KIRREL3: variants seen among roughly 807,000 people sequenced by gnomAD.
KIRREL3 encodes kirre like nephrin family adhesion molecule 3.
In KIRREL3, 36 loss-of-function variants were observed where a neutral mutation model predicts 89.7. That is an observed-to-expected ratio of 0.40 (90% CI 0.31 to 0.53). KIRREL3 has a LOEUF of 0.53. KIRREL3 is among the 20% of genes least tolerant of loss of function. KIRREL3 has a pLI of 0.49. For synonymous variants in KIRREL3, 445 were observed against 441.4 expected, an observed-to-expected ratio of 1.01 and a Z score of -0.10; for missense variants, 864 against 1,056.6, an observed-to-expected ratio of 0.82 and a Z score of 2.53.
At chr11:126,698,895 G>C (rs1947204675) in intron 1 of KIRREL3, among the ~76,000 whole-genome samples, 1 of 152,236 alleles carries the variant, frequency 6.6e-6, no homozygotes, top group Admixed American at 6.5e-5. Context: ...TCGTGCAGGA[G>C]GTACAGAGCT....
At chr11:126,592,921 G>A (rs1290163534) in intron 1 of KIRREL3, among the ~76,000 whole-genome samples, 1 of 152,120 alleles carries the variant, frequency 6.6e-6, no homozygotes, top group African/African-American at 2.4e-5. Flanking sequence ...GGCTGGGCGT[G>A]GCGTACCTTT....
Position 126,614,892 on chromosome 11 carries a change from G to A in KIRREL3, c.56-51980C>T, listed in dbSNP as rs1193765144. On this transcript the variant is annotated intron_variant, in intron 1 of 16. Transcript: ENST00000525144. This position sits in a 1 kb window ranked among gnomAD's most constrained non-coding sequence, Gnocchi z 4.6. Reference sequence around the variant, plus strand: ...TGAGAAGATGGATGAGCTGGGGCCGGTAAAATAGCTTTGTTCCTTGGAGAA... The same window carrying A: ...TGAGAAGATGGATGAGCTGGGGCCGATAAAATAGCTTTGTTCCTTGGAGAA... Among the ~76,000 whole-genome samples the A allele has an allele frequency of 1.3e-5, 2 of 152,156 alleles. No homozygotes were observed. Among genetic ancestry groups the A allele is most frequent in the Non-Finnish European group, 2.9e-5 (2 of 68,034 alleles).
rs185854599 is a variant in KIRREL3 at position 126,863,033 on chromosome 11, G to A, written c.55+137422C>T. 7.2e-5 allele frequency among the ~76,000 whole-genome samples: 11 copies of A among 152,332 alleles called. No homozygotes were observed. The East Asian group carries it at 1.5e-3, about 21-fold the overall frequency. ...AATTCAAGGCTTAGGGAGTGTGATG[G>A]TTAGGGACTGGCCCACCCTTTCCTG... On this transcript the variant is annotated intron_variant, in intron 1 of 16. Coordinates refer to ENST00000525144, the MANE Select transcript of KIRREL3 (RefSeq NM_032531.4).
intron 1 of KIRREL3, among the ~76,000 whole-genome samples, chr11:126,597,930 C>T (rs1942477172): frequency 6.6e-6 from 1 of 152,202 alleles, no homozygotes; most frequent in African/African-American, 2.4e-5. Context: ...TTAAGTCACC[C>T]ATAGCATCCT....
In KIRREL3 at chr11:126,562,888, C is replaced by G; in HGVS notation, c.80G>C (p.Cys27Ser). 1 of 1,613,836 alleles carries G rather than the reference C, an allele frequency of 6.2e-7. No homozygotes were observed. Reference protein sequence around the residue: ...SQELGLQKRGCCLVLGYMAKD... With the variant: ...SQELGLQKRGSCLVLGYMAKD... ...GGCCATGTAGCCCAGCACCAGACAG[C>G]ATCCTCTCTTCTGGAGGCCCAGCTC... is the stretch of plus-strand genomic sequence containing the variant. Residue 27 changes from cysteine to serine, a missense_variant, in exon 2 of 17, where the codon TGC (cysteine) becomes TCC (serine). Coordinates refer to ENST00000525144, the MANE Select transcript of KIRREL3 (RefSeq NM_032531.4). This position sits in a 1 kb window ranked among gnomAD's most constrained non-coding sequence, Gnocchi z 4.7.
rs1954800986 is a variant in KIRREL3, at chr11:126,423,435, T to G, written c.*1145A>C. 1 of 152,176 alleles carries G rather than the reference T, an allele frequency of 6.6e-6. No homozygotes were observed. The highest frequency in any genetic ancestry group is 6.5e-5 in the Admixed American group (1 of 15,276). 9.4% of individuals were successfully genotyped at this position (152,176 alleles called of 1,614,324 possible). A position where few individuals can be genotyped will look rare whatever the true frequency, so the allele number is the denominator to read the frequency against. ...AGAGAACCTTGGGTTCCCAACGCAT[T>G]CTATGAGCTCTTGGGTTCTTCCTGT... On this transcript the variant is annotated 3_prime_UTR_variant, in exon 17 of 17. Transcript: ENST00000525144.
intron 1 of KIRREL3, chr11:126,681,808 A>T: frequency 2.3e-6 from 1 of 438,032 alleles, no homozygotes; most frequent in Non-Finnish European, 4.6e-6. Flanking sequence ...AAAATATTGG[A>T]TCAGTATTCC....
In KIRREL3 at chr11:126,485,569, GTAAGAGT is replaced by G. The variant is rs1957338455; in HGVS notation, c.434-12110_434-12104del. 6.6e-6 allele frequency among the ~76,000 whole-genome samples: 1 copy of G among 152,218 alleles called. No individual in the cohort carries two copies. The highest frequency in any genetic ancestry group is 1.5e-5 in the Non-Finnish European group (1 of 68,038). ...TGGTGTGCTGTTTAAATGAGTTCAT[GTAAGAGT>G]TATGCAGTGTCTTGTCCCAGAGCTT... On this transcript the variant is annotated intron_variant, in intron 4 of 16. Coordinates refer to ENST00000525144, the MANE Select transcript of KIRREL3 (RefSeq NM_032531.4). This position sits in a 1 kb window ranked among gnomAD's most constrained non-coding sequence, Gnocchi z 5.8.
chr11:126,563,573 A>C lies in KIRREL3; in HGVS notation c.56-661T>G, dbSNP rs1270206820. 6.6e-6 allele frequency among the ~76,000 whole-genome samples: 1 copy of C among 152,200 alleles called. No individual in the cohort carries two copies. Among genetic ancestry groups the C allele is most frequent in the African/African-American group, 2.4e-5 (1 of 41,448 alleles). ...AGCACCATCATCAAGCACTTATGAA[A>C]TGTAGACTTAGAGCACAGGGGTCGA... On this transcript the variant is annotated intron_variant, in intron 1 of 16. Coordinates refer to ENST00000525144, the MANE Select transcript of KIRREL3 (RefSeq NM_032531.4). The surrounding 1 kb of genome is among the most constrained non-coding windows in gnomAD (Gnocchi z 6.8).
chr11:126,437,070 CCA>C, intron 11 of KIRREL3, 61 bp from the exon 12 acceptor site: 1 of 1,412,110 alleles, frequency 7.1e-7, no homozygotes, highest in East Asian at 2.5e-5. Context: ...CACGCCCACA[CCA>C]GAGTCACAGT....
At chr11:126,446,285 C>CTTTCTTTCTTTCTTTCTTCCTTT (rs111774154) in intron 9 of KIRREL3, among the ~76,000 whole-genome samples, 1 of 143,282 alleles carries the variant, frequency 7.0e-6, no homozygotes, top group African/African-American at 2.6e-5. Context: ...TTTTCTTTCT[C>CTTTCTTTCTTTCTTTCTTCCTTT]CTTTCTTTCT....
intron 1 of KIRREL3, among the ~76,000 whole-genome samples, chr11:126,845,915 G>A (rs1944123600): frequency 6.6e-6 from 1 of 152,084 alleles, no homozygotes. Flanking sequence ...GAAAAACAGA[G>A]GAGGTACCAC....
At chr11:126,583,580 G>A (rs969182182) in intron 1 of KIRREL3, among the ~76,000 whole-genome samples, 1 of 152,232 alleles carries the variant, frequency 6.6e-6, no homozygotes, top group Non-Finnish European at 1.5e-5. Context: ...GACACACTTA[G>A]GTTCAAATCC....
intron 1 of KIRREL3, among the ~76,000 whole-genome samples, chr11:126,581,155 C>T (rs1264908621): frequency 6.6e-6 from 1 of 152,068 alleles, no homozygotes; most frequent in Non-Finnish European, 1.5e-5. Flanking sequence ...ATTAAATTTT[C>T]AAATATAATT....
intron 2 of KIRREL3, among the ~76,000 whole-genome samples, chr11:126,532,550 A>G (rs532862757): frequency 7.2e-5 from 11 of 152,058 alleles, no homozygotes; most frequent in Admixed American, 3.9e-4. Flanking sequence ...TAATTTTTGT[A>G]TTTTTAGTAG....
chr11:126,598,588 A>T (rs1942504986), intron 1 of KIRREL3, among the ~76,000 whole-genome samples: 1 of 152,190 alleles, frequency 6.6e-6, no homozygotes, highest in Non-Finnish European at 1.5e-5. Context: ...GGTATGACCC[A>T]AGAATGGAAG....
At chr11:126,785,318 A>C (rs1292412207) in intron 1 of KIRREL3, among the ~76,000 whole-genome samples, 1 of 152,172 alleles carries the variant, frequency 6.6e-6, no homozygotes, top group Non-Finnish European at 1.5e-5. Context: ...CAAGTCTGAC[A>C]TTAATTTTCT....
intron 1 of KIRREL3, among the ~76,000 whole-genome samples, chr11:126,806,550 C>A (rs1264615546): frequency 6.6e-6 from 1 of 152,198 alleles, no homozygotes; most frequent in Non-Finnish European, 1.5e-5. Flanking sequence ...TTCAGTGATA[C>A]TCCCTGAGTT....
chr11:126,803,640 A>C (rs551310552), intron 1 of KIRREL3, among the ~76,000 whole-genome samples: 1 of 152,120 alleles, frequency 6.6e-6, no homozygotes, highest in Non-Finnish European at 1.5e-5. Context: ...TAATGAAAAG[A>C]GGGCTCCCAC....
Sources: gnomAD v4.1 joint callset for allele counts (sites outside exome capture counted in the v4.1 genomes callset) on GRCh38, gnomAD v4.1.1 for gene constraint, Gnocchi (gnomAD v3.1) non-coding constraint, MANE v1.5 for transcripts, NCBI Gene and HGNC (gene_info 2026-07-23, HGNC 2026-07-21) for gene names.